TTC39A: variants seen among roughly 807,000 people sequenced by gnomAD.
The protein encoded by TTC39A is tetratricopeptide repeat domain 39A.
TTC39A carries 46 observed loss-of-function variants against 82.3 expected under a neutral mutation model. That is an observed-to-expected ratio of 0.56 (90% CI 0.44 to 0.71). The LOEUF is 0.71. Among genes scored for constraint, TTC39A ranks in the 30% least tolerant of loss-of-function variants. The pLI is 0.00. For missense variants in TTC39A, 543 were observed against 712.9 expected (o/e 0.76, Z 2.71); for synonymous variants, 254 against 275.2 (o/e 0.92, Z 0.76).
intron 8 of TTC39A, among the ~76,000 whole-genome samples, chr1:51,303,474 G>T (rs1644758115): frequency 6.6e-6 from 1 of 152,230 alleles, no homozygotes; most frequent in Non-Finnish European, 1.5e-5. Flanking sequence ...TGTAGTCACG[G>T]GCTTGGCCGC....
At chr1:51,330,831 G>C (rs1645892290), upstream of TTC39A, 1 of 474,810 alleles carries the variant, frequency 2.1e-6, no homozygotes. The surrounding 1 kb of genome is among the most constrained non-coding windows in gnomAD (Gnocchi z 4.5). Context: ...TTCTTCTCCG[G>C]GACCTGAGGT....
chr1:51,319,981 C>T (rs145685788), intron 2 of TTC39A, among the ~76,000 whole-genome samples: 42 of 152,290 alleles, frequency 2.8e-4, no homozygotes, highest in Middle Eastern at 6.8e-3. Context: ...TGAGCCACTG[C>T]GCCCAGACTT....
upstream of TTC39A, chr1:51,331,418 CTCA>C: frequency 6.9e-7 from 1 of 1,440,812 alleles, no homozygotes; most frequent in Non-Finnish European, 9.1e-7. Flanking sequence ...TTAACCATGA[CTCA>C]TCAGAGCATG....
intron 12 of TTC39A, chr1:51,297,119 C>G (rs1021620496): frequency 1.3e-5 from 2 of 152,282 alleles, no homozygotes; most frequent in African/African-American, 4.8e-5. Flanking sequence ...CCACCCATGC[C>G]GGGGCCTCAG....
chr1:51,344,090 G>A (rs1646067917), intron 1 of TTC39A, among the ~76,000 whole-genome samples: 1 of 152,140 alleles, frequency 6.6e-6, no homozygotes, highest in South Asian at 2.1e-4. Context: ...GAGAAAGGTA[G>A]GGAGGTGTCA....
At chr1:51,311,136 G>C (rs764064033) in intron 5 of TTC39A, 118 bp downstream of exon 5, 2 of 942,310 alleles carry the variant, frequency 2.1e-6, no homozygotes, top group South Asian at 1.7e-5. Flanking sequence ...TGCTACAGGG[G>C]ATGAGTCGTG....
chr1:51,300,651 G>C (rs933096144), intron 12 of TTC39A: 1 of 152,228 alleles, frequency 6.6e-6, no homozygotes, highest in African/African-American at 2.4e-5. Flanking sequence ...TACTATGATG[G>C]TACAAGCTAA....
intron 12 of TTC39A, chr1:51,299,780 AC>A (rs1644580319): frequency 6.6e-6 from 1 of 152,220 alleles, no homozygotes; most frequent in Admixed American, 6.6e-5. Flanking sequence ...ACCTCACTCT[AC>A]AGGAAGGCTT....
intron 11 of TTC39A, 46 bp from the exon 12 acceptor site, chr1:51,301,779 A>G (rs370817190): frequency 4.1e-5 from 59 of 1,452,474 alleles, no homozygotes; most frequent in Non-Finnish European, 6.5e-6. Context: ...ACCCAGCCCC[A>G]ACCCCTCTGC....
intron 1 of TTC39A, chr1:51,344,903 C>T (rs2148326257): frequency 6.8e-7 from 1 of 1,473,436 alleles, no homozygotes; most frequent in Non-Finnish European, 9.1e-7. Flanking sequence ...CTGTGCCTCT[C>T]AGCTGTTTCC....
intron 2 of TTC39A, among the ~76,000 whole-genome samples, chr1:51,313,870 T>C (rs1345091572): frequency 6.6e-6 from 1 of 152,182 alleles, no homozygotes; most frequent in Non-Finnish European, 1.5e-5. Flanking sequence ...AAGAAAGAAA[T>C]GCTCTTCCTC....
intron 2 of TTC39A, among the ~76,000 whole-genome samples, chr1:51,314,894 G>A (rs1236993169): frequency 6.6e-6 from 1 of 152,160 alleles, no homozygotes; most frequent in Non-Finnish European, 1.5e-5. Flanking sequence ...GAATACCCAG[G>A]CCAGGGGCCA....
At chr1:51,292,891 C>A (rs1251956207) in intron 14 of TTC39A, among the ~76,000 whole-genome samples, 1 of 152,126 alleles carries the variant, frequency 6.6e-6, no homozygotes, top group South Asian at 2.1e-4. Context: ...AGTATATAAA[C>A]TGTGTTTAGG....
chr1:51,312,094 T>G (rs1382824064), intron 4 of TTC39A, 25 bp downstream of exon 4: 1 of 1,605,148 alleles, frequency 6.2e-7, no homozygotes, highest in South Asian at 1.1e-5. Flanking sequence ...TTAGCATGGT[T>G]GAAAGGATGT....
intron 1 of TTC39A, among the ~76,000 whole-genome samples, chr1:51,338,630 G>A (rs1378458648): frequency 2.2e-5 from 3 of 138,478 alleles, no homozygotes; most frequent in African/African-American, 5.4e-5. Context: ...TTGAGACAGA[G>A]TCTTACTCTG....
chr1:51,341,396 G>C (rs1273446069), intron 1 of TTC39A, among the ~76,000 whole-genome samples: 1 of 152,128 alleles, frequency 6.6e-6, no homozygotes, highest in Non-Finnish European at 1.5e-5. Context: ...TTCAGGAAAG[G>C]ACAAAGCAAC....
intron 2 of TTC39A, among the ~76,000 whole-genome samples, chr1:51,315,107 C>T (rs776401941): frequency 4.9e-4 from 74 of 152,120 alleles, no homozygotes; most frequent in Non-Finnish European, 9.7e-4. Flanking sequence ...CGGGACTCAG[C>T]ACCACCTGCC....
Position 51,290,504 on chromosome 1 carries a change from G to C in TTC39A, c.1378+10C>G. The stretch of plus-strand genomic sequence containing the variant: ...TAGCATGGCAGGCCCAAGGGCCTGA[G>C]GGAAGTCACCTGGGCCTTTCTCCAG... On this transcript the variant is annotated intron_variant, in intron 15 of 17. Transcript: ENST00000680483. The C allele has an allele frequency of 6.2e-7, 1 of 1,612,108 alleles. No homozygotes were observed. Among genetic ancestry groups the C allele is most frequent in the East Asian group, 2.2e-5 (1 of 44,842 alleles).
At chr1:51,328,259 C>T (rs1165368398) in intron 1 of TTC39A, among the ~76,000 whole-genome samples, 1 of 152,124 alleles carries the variant, frequency 6.6e-6, no homozygotes, top group Non-Finnish European at 1.5e-5. Context: ...TAAGGGGGCA[C>T]CCTCGTGAAA....
Sources: gnomAD v4.1 joint callset for allele counts (sites outside exome capture counted in the v4.1 genomes callset) on GRCh38, gnomAD v4.1.1 for gene constraint, Gnocchi (gnomAD v3.1) non-coding constraint, MANE v1.5 for transcripts, NCBI Gene and HGNC (gene_info 2026-07-23, HGNC 2026-07-21) for gene names.